MMP16: variants seen among roughly 807,000 people sequenced by gnomAD.
MMP16 encodes matrix metalloproteinase-16.
A neutral mutation model predicts 67.8 loss-of-function variants in MMP16; 12 were observed. The ratio of observed to expected loss-of-function variants is 0.18; its 90% CI spans 0.11 to 0.29. MMP16 has a LOEUF of 0.29. MMP16 is among the 10% of genes least tolerant of loss of function. The pLI, the probability that MMP16 is intolerant of heterozygous loss-of-function variation, is 1.00. For missense variants in MMP16, 475 were observed against 765.7 expected (o/e 0.62, Z 4.48); for synonymous variants, 249 against 255.9 (o/e 0.97, Z 0.26).
intron 4 of MMP16, among the ~76,000 whole-genome samples, chr8:88,161,941 C>G (rs932065459): frequency 9.2e-5 from 14 of 151,960 alleles, no homozygotes; most frequent in African/African-American, 3.4e-4. Flanking sequence ...AATTTCTGTT[C>G]TTTTACATTT....
At chr8:88,062,897 T>C (rs1808418303) in intron 7 of MMP16, among the ~76,000 whole-genome samples, 1 of 152,176 alleles carries the variant, frequency 6.6e-6, no homozygotes, top group African/African-American at 2.4e-5. Flanking sequence ...TATTTGACTT[T>C]TTTTACTGTA....
intron 1 of MMP16, among the ~76,000 whole-genome samples, chr8:88,240,112 A>C (rs1810011408): frequency 6.6e-6 from 1 of 152,164 alleles, no homozygotes; most frequent in Non-Finnish European, 1.5e-5. Flanking sequence ...AACTTACGCA[A>C]TGCCCATTGT....
At chr8:88,269,294 C>T (rs1810527995) in intron 1 of MMP16, among the ~76,000 whole-genome samples, 1 of 152,042 alleles carries the variant, frequency 6.6e-6, no homozygotes, top group Non-Finnish European at 1.5e-5. Context: ...TTAAGGACAC[C>T]ATGGCCTGTC....
At chr8:88,079,514 G>C (rs1342418478) in intron 6 of MMP16, among the ~76,000 whole-genome samples, 1 of 152,100 alleles carries the variant, frequency 6.6e-6, no homozygotes, top group African/African-American at 2.4e-5. Context: ...ATGGGTAAGA[G>C]GGGACAACTG....
At chr8:88,158,572 G>C (rs1328211397) in intron 4 of MMP16, among the ~76,000 whole-genome samples, 1 of 152,140 alleles carries the variant, frequency 6.6e-6, no homozygotes, top group Admixed American at 6.5e-5. Flanking sequence ...TTAGCCCTTT[G>C]TCAGATGGGT....
Position 88,160,437 on chromosome 8 carries a change from A to G in MMP16, c.709+7232T>C, listed in dbSNP as rs112290351. Among the ~76,000 whole-genome samples, 944 of 152,092 alleles carry G rather than the reference A, an allele frequency of 6.2e-3. 7 individuals carry two copies. Among genetic ancestry groups the G allele is most frequent in the African/African-American group, 0.021 (872 of 41,520 alleles). On this transcript the variant is annotated intron_variant, in intron 4 of 9. Transcript: ENST00000286614. Reference sequence around the variant, plus strand: ...AATAGTGACGCAATAAATTTACAAGAAAAAAACAAACAACCCCATCAAAAA... The same window carrying G: ...AATAGTGACGCAATAAATTTACAAGGAAAAAACAAACAACCCCATCAAAAA...
intron 6 of MMP16, among the ~76,000 whole-genome samples, chr8:88,086,973 CAG>C (rs909405418): frequency 8.6e-5 from 13 of 151,816 alleles, no homozygotes; most frequent in Admixed American, 2.0e-4. Context: ...GAGAGAAAAA[CAG>C]AGACAGAGAG....
chr8:88,080,663 TG>T (rs1449933717), intron 6 of MMP16, among the ~76,000 whole-genome samples: 1 of 152,126 alleles, frequency 6.6e-6, no homozygotes, highest in Non-Finnish European at 1.5e-5. Context: ...CTTGAACTCC[TG>T]ACCTCAAGTG....
At chr8:88,306,820 A>G (rs1811218235) in intron 1 of MMP16, among the ~76,000 whole-genome samples, 1 of 152,226 alleles carries the variant, frequency 6.6e-6, no homozygotes, top group Non-Finnish European at 1.5e-5. Flanking sequence ...CACAGCCAGT[A>G]TCATACTAAA....
intron 6 of MMP16, among the ~76,000 whole-genome samples, chr8:88,093,396 T>C (rs1281999735): frequency 2.0e-5 from 3 of 151,816 alleles, no homozygotes; most frequent in African/African-American, 7.2e-5. Flanking sequence ...CGATCAACCA[T>C]AACCAGTCTT....
intron 1 of MMP16, among the ~76,000 whole-genome samples, chr8:88,217,497 G>T (rs1367791762): frequency 6.6e-6 from 1 of 151,716 alleles, no homozygotes; most frequent in Non-Finnish European, 1.5e-5. Flanking sequence ...TCCACCACAG[G>T]GTTCAATACA....
chr8:88,218,562 A>G (rs1235277913), intron 1 of MMP16, among the ~76,000 whole-genome samples: 1 of 152,060 alleles, frequency 6.6e-6, no homozygotes, highest in Non-Finnish European at 1.5e-5. Context: ...TTGTTTCACA[A>G]TGTATGTTTA....
chr8:88,204,656 T>C (rs1809397957), intron 1 of MMP16, among the ~76,000 whole-genome samples: 1 of 152,144 alleles, frequency 6.6e-6, no homozygotes, highest in African/African-American at 2.4e-5. Context: ...AGTTAATGAA[T>C]ATAATTATAA....
intron 2 of MMP16, among the ~76,000 whole-genome samples, 154 bp downstream of exon 2, chr8:88,197,004 G>A (rs1663392301): frequency 6.6e-6 from 1 of 152,106 alleles, no homozygotes; most frequent in Non-Finnish European, 1.5e-5. Flanking sequence ...ATGAAATATT[G>A]GAGGAGTGGG....
intron 1 of MMP16, among the ~76,000 whole-genome samples, chr8:88,243,873 T>G (rs755796581): frequency 6.6e-6 from 1 of 152,188 alleles, no homozygotes; most frequent in South Asian, 2.1e-4. Flanking sequence ...TATTACAAAG[T>G]TCTGGTTGCC....
chr8:88,169,541 C>A (rs1229120635), intron 3 of MMP16, among the ~76,000 whole-genome samples: 1 of 152,080 alleles, frequency 6.6e-6, no homozygotes, highest in African/African-American at 2.4e-5. Context: ...CTGTGTTAGA[C>A]CACATATCTA....
intron 1 of MMP16, among the ~76,000 whole-genome samples, chr8:88,264,691 T>C (rs760667294): frequency 6.6e-6 from 1 of 152,198 alleles, no homozygotes; most frequent in Non-Finnish European, 1.5e-5. Context: ...CCAGGACTGC[T>C]ATGCTCAGAA....
At chr8:88,242,204 C>T (rs919157390) in intron 1 of MMP16, among the ~76,000 whole-genome samples, 1 of 152,140 alleles carries the variant, frequency 6.6e-6, no homozygotes, top group Non-Finnish European at 1.5e-5. Flanking sequence ...TTATTTTCCT[C>T]CCTTAATGGA....
chr8:88,151,686 C>T (rs1808410364), intron 4 of MMP16, among the ~76,000 whole-genome samples: 1 of 150,882 alleles, frequency 6.6e-6, no homozygotes. Context: ...ACACAACATA[C>T]CAGAATCTCT....
Sources: allele counts gnomAD v4.1 joint callset (sites outside exome capture counted in the v4.1 genomes callset), GRCh38; gene constraint gnomAD v4.1.1; transcripts MANE v1.5; gene names NCBI Gene and HGNC (gene_info 2026-07-23, HGNC 2026-07-21).